Variants in H1-5 observed in about 807,000 individuals in gnomAD.
H1-5 encodes H1.5 linker histone, cluster member.
Under a neutral mutation model 4.6 loss-of-function variants are expected in H1-5, and 3 were observed. The ratio of observed to expected loss-of-function variants is 0.65; its 90% CI spans 0.30 to 1.68. The LOEUF (loss-of-function observed/expected upper bound fraction) is 1.68, where lower values mean the gene tolerates loss of function less well. Ranked by LOEUF, H1-5 falls within the 40% of genes most tolerant of loss-of-function variation. The pLI, the probability that H1-5 is intolerant of heterozygous loss-of-function variation, is 0.10. For synonymous variants in H1-5, 250 were observed against 123.4 expected, an observed-to-expected ratio of 2.03 and a Z score of -6.80; for missense variants, 521 against 287.9, an observed-to-expected ratio of 1.81 and a Z score of -5.86.
Position 27,866,909 on chromosome 6 carries a change from C to A in H1-5, c.621G>T (p.Lys207Asn), listed in dbSNP as rs749866318. ...CAGCTTTAGGTTTTGCTGCTTTGGGCTTAGCGGCTTTGGGCTTTGCCGCCT... is the reference window on the plus strand; with the variant it reads ...CAGCTTTAGGTTTTGCTGCTTTGGGATTAGCGGCTTTGGGCTTTGCCGCCT... ...KPKAAKPKAA[K>N]PKAAKPKAAK... is the part of the protein sequence containing the mutation. The change falls in exon 1 of 1, where the codon AAG (lysine) becomes AAT (asparagine). Residue 207 changes from lysine (K) to asparagine (N), a missense_variant. Transcript: ENST00000331442. The A allele has an allele frequency of 1.9e-6, 3 of 1,613,042 alleles. No individual in the cohort carries two copies. The highest frequency in any genetic ancestry group is 2.7e-5 in the African/African-American group (2 of 74,894).
Position 27,866,859 on chromosome 6 carries a change from T to C in H1-5, c.671A>G (p.Lys224Arg). Residue 224 changes from lysine to arginine, a missense_variant, in exon 1 of 1, where the codon AAA (lysine) becomes AGA (arginine). Coordinates refer to ENST00000331442, the MANE Select transcript of H1-5 (RefSeq NM_005322.3). ...KAAKAKKAAA[K>R]KK Reference sequence around the variant, plus strand: ...TCACACGCCAGCTTCCTACTTCTTTTTGGCAGCCGCCTTCTTGGCCTTTGC... The same window carrying C: ...TCACACGCCAGCTTCCTACTTCTTTCTGGCAGCCGCCTTCTTGGCCTTTGC... 1 of 1,591,454 alleles carries C rather than the reference T, an allele frequency of 6.3e-7. No homozygotes were observed. Among genetic ancestry groups the C allele is most frequent in the Non-Finnish European group, 8.5e-7 (1 of 1,173,552 alleles).
chr6:27,867,097 C>CCTT lies in H1-5; in HGVS notation c.430_432dup (p.Lys144dup). 1.2e-6 allele frequency: 2 copies of CCTT among 1,613,792 alleles called. No individual in the cohort carries two copies. The highest frequency in any genetic ancestry group is 1.7e-6 in the Non-Finnish European group (2 of 1,179,876). Reference sequence around the variant, plus strand: ...TTCACTGCCTTTTTCGCCCCTGCAGCCTTCTTGGCCTTCTTAGGCGTGGCC... The same window carrying CCTT: ...TTCACTGCCTTTTTCGCCCCTGCAGCCTTCTTCTTGGCCTTCTTAGGCGTGGCC... On this transcript the variant is annotated inframe_insertion, in exon 1 of 1. Transcript: ENST00000331442.
Position 27,867,531 on chromosome 6 carries a change from G to T in H1-5, c.-2C>A, listed in dbSNP as rs776203565. 23 of 1,537,740 alleles carry T rather than the reference G, an allele frequency of 1.5e-5. No homozygotes were observed. Among genetic ancestry groups the T allele is most frequent in the Admixed American group, 2.2e-5 (1 of 45,134 alleles). On this transcript the variant is annotated 5_prime_UTR_variant, in exon 1 of 1. Transcript: ENST00000331442. ...CTCGGCAGGAGCGGTTTCCGACATG[G>T]TGGCAAGAAACTGCTAGAAGAGAAT...
chr6:27,867,364 C>G lies in H1-5; in HGVS notation c.166G>C (p.Glu56Gln). 6.2e-7 allele frequency: 1 copy of G among 1,614,282 alleles called. No homozygotes were observed. Among genetic ancestry groups the G allele is most frequent in the Non-Finnish European group, 8.5e-7 (1 of 1,180,048 alleles). ...GCTGCCAAAGAAAGGCCATTGCGCT[C>G]CTTAGAAGCAGCCACAGCCTTGGTG... Reference protein sequence around the residue: ...LITKAVAASKERNGLSLAALK... With the variant: ...LITKAVAASKQRNGLSLAALK... Residue 56 changes from glutamate (E) to glutamine (Q), a missense_variant, in exon 1 of 1, where the codon GAG (glutamate) becomes CAG (glutamine). Glu to Gln is a conservative substitution (Grantham distance 29, BLOSUM62 2). Coordinates refer to ENST00000331442, the MANE Select transcript of H1-5 (RefSeq NM_005322.3).
Position 27,867,359 on chromosome 6 carries a change from G to A in H1-5, c.171C>T (p.Arg57=), listed in dbSNP as rs764243091. 3.1e-6 allele frequency: 5 copies of A among 1,614,252 alleles called. No individual in the cohort carries two copies. The highest frequency in any genetic ancestry group is 4.2e-6 in the Non-Finnish European group (5 of 1,180,048). ...ITKAVAASKE[R]NGLSLAALKK... ...TAAGGGCTGCCAAAGAAAGGCCATTGCGCTCCTTAGAAGCAGCCACAGCCT... is the reference window on the plus strand; with the variant it reads ...TAAGGGCTGCCAAAGAAAGGCCATTACGCTCCTTAGAAGCAGCCACAGCCT... The change falls in exon 1 of 1, where the codon CGC becomes CGT. Residue 57 remains arginine, a synonymous_variant. Transcript: ENST00000331442.
chr6:27,866,830 G>T lies in H1-5; in HGVS notation c.*19C>A, dbSNP rs1433581952. The T allele has an allele frequency of 1.9e-6, 3 of 1,568,470 alleles. No individual in the cohort carries two copies. The highest frequency in any genetic ancestry group is 2.6e-6 in the Non-Finnish European group (3 of 1,163,552). ...AAAGAGCCTTTGGGGCTTTGTTGCG[G>T]TTTTCACACGCCAGCTTCCTACTTC... On this transcript the variant is annotated 3_prime_UTR_variant, in exon 1 of 1. Coordinates refer to ENST00000331442, the MANE Select transcript of H1-5 (RefSeq NM_005322.3).
In H1-5 at chr6:27,866,887, C is replaced by T. The variant is rs1207966785; in HGVS notation, c.643G>A (p.Ala215Thr). ...AAKPKAAKPK[A>T]AKAKKAAAKK... is the part of the protein sequence containing the mutation. ...GCAGCCGCCTTCTTGGCCTTTGCAG[C>T]TTTAGGTTTTGCTGCTTTGGGCTTA... Residue 215 changes from alanine to threonine, a missense_variant, in exon 1 of 1, where the codon GCT becomes ACT. Physicochemically the swap from Ala to Thr is moderately conservative, Grantham distance 58 (BLOSUM62 0). Coordinates refer to ENST00000331442, the MANE Select transcript of H1-5 (RefSeq NM_005322.3). The T allele has an allele frequency of 1.2e-6, 2 of 1,605,484 alleles. No homozygotes were observed. Among genetic ancestry groups the T allele is most frequent in the Middle Eastern group, 1.7e-4 (1 of 5,948 alleles).
Position 27,866,902 on chromosome 6 carries a change from C to T in H1-5, c.628G>A (p.Ala210Thr). 1 of 1,612,198 alleles carries T rather than the reference C, an allele frequency of 6.2e-7. No individual in the cohort carries two copies. Among genetic ancestry groups the T allele is most frequent in the South Asian group, 1.1e-5 (1 of 90,766 alleles). Residue 210 changes from alanine to threonine, a missense_variant, in exon 1 of 1, where the codon GCA becomes ACA. Transcript: ENST00000331442. Reference sequence around the variant, plus strand: ...GCCTTTGCAGCTTTAGGTTTTGCTGCTTTGGGCTTAGCGGCTTTGGGCTTT... The same window carrying T: ...GCCTTTGCAGCTTTAGGTTTTGCTGTTTTGGGCTTAGCGGCTTTGGGCTTT... The part of the protein sequence containing the change: ...AAKPKAAKPK[A>T]AKPKAAKAKK...
rs1761538339 is a variant in H1-5 at position 27,867,341 on chromosome 6, T to G, written c.189A>C (p.Ala63=). The change falls in exon 1 of 1, where the codon GCA becomes GCC. Residue 63 remains alanine (A), a synonymous_variant. Coordinates refer to ENST00000331442, the MANE Select transcript of H1-5 (RefSeq NM_005322.3). ...CGGCCGCTAAGGCCTTCTTAAGGGC[T>G]GCCAAAGAAAGGCCATTGCGCTCCT... is the stretch of plus-strand genomic sequence containing the variant. The part of the protein sequence containing the change: ...ASKERNGLSL[A]ALKKALAAGG... 6.2e-7 allele frequency: 1 copy of G among 1,614,152 alleles called. No individual in the cohort carries two copies. The highest frequency in any genetic ancestry group is 1.1e-5 in the South Asian group (1 of 91,094).
rs1447650964 is a variant in H1-5 at position 27,867,259 on chromosome 6, C to T, written c.271G>A (p.Val91Met). 2 of 1,614,252 alleles carry T rather than the reference C, an allele frequency of 1.2e-6. No individual in the cohort carries two copies. The highest frequency in any genetic ancestry group is 3.3e-5 in the Admixed American group (2 of 60,034). ...SRIKLGLKSL[V>M]SKGTLVQTKG... ...GTCTGCACCAGGGTGCCCTTGCTCA[C>T]CAAGCTCTTGAGGCCCAGCTTAATG... The change falls in exon 1 of 1, where the codon GTG (valine) becomes ATG (methionine). Residue 91 changes from valine (V) to methionine (M), a missense_variant. Physicochemically the swap from Val to Met is conservative, Grantham distance 21 (BLOSUM62 1). Transcript: ENST00000331442.
rs1392857161 is a variant in H1-5, at chr6:27,867,332, C to T, written c.198G>A (p.Lys66=). 1.9e-6 allele frequency: 3 copies of T among 1,614,260 alleles called. No individual in the cohort carries two copies. Among genetic ancestry groups the T allele is most frequent in the Admixed American group, 1.7e-5 (1 of 60,036 alleles). Residue 66 remains lysine (K), a synonymous_variant, in exon 1 of 1, where the codon AAG becomes AAA. Coordinates refer to ENST00000331442, the MANE Select transcript of H1-5 (RefSeq NM_005322.3). The stretch of plus-strand genomic sequence containing the variant: ...CGTAGCCACCGGCCGCTAAGGCCTT[C>T]TTAAGGGCTGCCAAAGAAAGGCCAT... The part of the protein sequence containing the change: ...ERNGLSLAAL[K]KALAAGGYDV...
rs866245889 is a variant in H1-5 at position 27,866,929 on chromosome 6, C to T, written c.601G>A (p.Ala201Thr). 1 of 1,614,096 alleles carries T rather than the reference C, an allele frequency of 6.2e-7. No homozygotes were observed. The highest frequency in any genetic ancestry group is 1.3e-5 in the African/African-American group (1 of 75,038). Reference sequence around the variant, plus strand: ...TTGGGCTTAGCGGCTTTGGGCTTTGCCGCCTTCGGCTTAACTGCCTTGGGC... The same window carrying T: ...TTGGGCTTAGCGGCTTTGGGCTTTGTCGCCTTCGGCTTAACTGCCTTGGGC... Reference protein sequence around the residue: ...AKPKAVKPKAAKPKAAKPKAA... With the variant: ...AKPKAVKPKATKPKAAKPKAA... Residue 201 changes from alanine to threonine, a missense_variant, in exon 1 of 1, where the codon GCA becomes ACA. Coordinates refer to ENST00000331442, the MANE Select transcript of H1-5 (RefSeq NM_005322.3).
Position 27,867,079 on chromosome 6 carries a change from C to T in H1-5, c.451G>A (p.Ala151Thr). Residue 151 changes from alanine (A) to threonine (T), a missense_variant, in exon 1 of 1, where the codon GCA becomes ACA. Transcript: ENST00000331442. ...GCCTTCTTCGGAGTCTTCTTCACTG[C>T]CTTTTTCGCCCCTGCAGCCTTCTTG... The part of the protein sequence containing the change: ...KAKKAAGAKK[A>T]VKKTPKKAKK... 4.3e-6 allele frequency: 7 copies of T among 1,613,896 alleles called. No individual in the cohort carries two copies. The highest frequency in any genetic ancestry group is 5.9e-6 in the Non-Finnish European group (7 of 1,179,906).
Position 27,867,156 on chromosome 6 carries a change from T to G in H1-5, c.374A>C (p.Lys125Thr). The G allele has an allele frequency of 6.2e-7, 1 of 1,614,146 alleles. No individual in the cohort carries two copies. The change falls in exon 1 of 1, where the codon AAG becomes ACG. Residue 125 changes from lysine to threonine, a missense_variant. By Grantham distance (78) the Lys-to-Thr change is moderately conservative. Coordinates refer to ENST00000331442, the MANE Select transcript of H1-5 (RefSeq NM_005322.3). ...ASGEAKPKAKKAGAAKAKKPA... is the reference protein window; with the variant it reads ...ASGEAKPKAKTAGAAKAKKPA... Reference sequence around the variant, plus strand: ...CTTCTTAGCTTTAGCGGCGCCTGCCTTCTTGGCTTTGGGCTTGGCTTCCCC... The same window carrying G: ...CTTCTTAGCTTTAGCGGCGCCTGCCGTCTTGGCTTTGGGCTTGGCTTCCCC...
rs766473941 is a variant in H1-5, at chr6:27,867,456, G to T, written c.74C>A (p.Thr25Asn). The T allele has an allele frequency of 2.5e-6, 4 of 1,605,550 alleles. No homozygotes were observed. The African/African-American group carries it at 5.4e-5, about 22-fold the overall frequency. Residue 25 changes from threonine (T) to asparagine (N), a missense_variant, in exon 1 of 1, where the codon ACT becomes AAT. Coordinates refer to ENST00000331442, the MANE Select transcript of H1-5 (RefSeq NM_005322.3). The part of the protein sequence containing the change: ...VEKSPAKKKA[T>N]KKAAGAGAAK... ...AGCGCCGGCGCCGGCAGCCTTCTTAGTTGCCTTCTTCTTAGCCGGGGATTT... is the reference window on the plus strand; with the variant it reads ...AGCGCCGGCGCCGGCAGCCTTCTTATTTGCCTTCTTCTTAGCCGGGGATTT...
chr6:27,867,438 G>A lies in H1-5; in HGVS notation c.92C>T (p.Ala31Val), dbSNP rs150445844. The change falls in exon 1 of 1, where the codon GCC becomes GTC. Residue 31 changes from alanine (A) to valine (V), a missense_variant. Ala to Val is a moderately conservative substitution (Grantham distance 64). Transcript: ENST00000331442. ...KKKATKKAAGAGAAKRKATGP... is the reference protein window; with the variant it reads ...KKKATKKAAGVGAAKRKATGP... Reference sequence around the variant, plus strand: ...CGTCGCTTTGCGCTTAGCAGCGCCGGCGCCGGCAGCCTTCTTAGTTGCCTT... The same window carrying A: ...CGTCGCTTTGCGCTTAGCAGCGCCGACGCCGGCAGCCTTCTTAGTTGCCTT... The A allele has an allele frequency of 9.1e-5, 147 of 1,609,832 alleles. No individual in the cohort carries two copies. In the African/African-American group the frequency reaches 1.8e-3, roughly 20 times the overall value.
Position 27,867,423 on chromosome 6 carries a change from C to A in H1-5, c.107G>T (p.Arg36Leu). Residue 36 changes from arginine to leucine, a missense_variant, in exon 1 of 1, where the codon CGC becomes CTC. Coordinates refer to ENST00000331442, the MANE Select transcript of H1-5 (RefSeq NM_005322.3). The stretch of plus-strand genomic sequence containing the variant: ...TGAGACTGGGGGCCCCGTCGCTTTG[C>A]GCTTAGCAGCGCCGGCGCCGGCAGC... The part of the protein sequence containing the change: ...KKAAGAGAAK[R>L]KATGPPVSEL... 6.2e-7 allele frequency: 1 copy of A among 1,611,228 alleles called. No individual in the cohort carries two copies. Among genetic ancestry groups the A allele is most frequent in the Admixed American group, 1.7e-5 (1 of 59,324 alleles).
chr6:27,866,900 T>A lies in H1-5; in HGVS notation c.630A>T (p.Ala210=). The change falls in exon 1 of 1, where the codon GCA becomes GCT. Residue 210 remains alanine, a synonymous_variant. Coordinates refer to ENST00000331442, the MANE Select transcript of H1-5 (RefSeq NM_005322.3). ...AAKPKAAKPK[A]AKPKAAKAKK... Reference sequence around the variant, plus strand: ...TGGCCTTTGCAGCTTTAGGTTTTGCTGCTTTGGGCTTAGCGGCTTTGGGCT... The same window carrying A: ...TGGCCTTTGCAGCTTTAGGTTTTGCAGCTTTGGGCTTAGCGGCTTTGGGCT... The A allele has an allele frequency of 6.2e-7, 1 of 1,608,406 alleles. No individual in the cohort carries two copies. The highest frequency in any genetic ancestry group is 2.2e-5 in the East Asian group (1 of 44,868).
chr6:27,867,486 A>G lies in H1-5; in HGVS notation c.44T>C (p.Val15Ala). The G allele has an allele frequency of 6.3e-7, 1 of 1,584,188 alleles. No individual in the cohort carries two copies. The highest frequency in any genetic ancestry group is 8.6e-7 in the Non-Finnish European group (1 of 1,167,582). The stretch of plus-strand genomic sequence containing the variant: ...CTTCTTCTTAGCCGGGGATTTCTCC[A>G]CCGGCGCTGGGGTGGCTGTCTCGGC... Reference protein sequence around the residue: ...APAETATPAPVEKSPAKKKAT... With the variant: ...APAETATPAPAEKSPAKKKAT... Residue 15 changes from valine to alanine, a missense_variant, in exon 1 of 1, where the codon GTG becomes GCG. Transcript: ENST00000331442.
Sources: gnomAD v4.1 joint callset for allele counts on GRCh38, gnomAD v4.1.1 for gene constraint, MANE v1.5 for transcripts, NCBI Gene and HGNC (gene_info 2026-07-23, HGNC 2026-07-21) for gene names.